The following ESR1 variants were observed in gnomAD, a reference collection of about 807,000 sequenced individuals.
ESR1 encodes estrogen receptor 1, also known as estrogen receptor.
Under a neutral mutation model 52.7 loss-of-function variants are expected in ESR1, and 12 were observed. The ratio of observed to expected loss-of-function variants is 0.23; its 90% CI spans 0.15 to 0.37. The LOEUF is 0.37. ESR1 is among the 10% of genes least tolerant of loss of function. The pLI, the probability that ESR1 is intolerant of heterozygous loss-of-function variation, is 1.00. For missense variants in ESR1, 584 were observed against 779.7 expected (o/e 0.75, Z 2.99); for synonymous variants, 305 against 316.8 (o/e 0.96, Z 0.39).
chr6:151,662,283 T>C (rs970328516), intron 1 of ESR1, among the ~76,000 whole-genome samples: 1 of 152,244 alleles, frequency 6.6e-6, no homozygotes, highest in African/African-American at 2.4e-5. Context: ...CATCATTTCT[T>C]TTCCTGTATT....
intron 3 of ESR1, among the ~76,000 whole-genome samples, chr6:151,906,374 T>TA (rs1380364704): frequency 6.6e-6 from 1 of 152,024 alleles, no homozygotes; most frequent in African/African-American, 2.4e-5. Flanking sequence ...AAAAGCAGTT[T>TA]AGAGTCTTGA....
At chr6:151,867,907 C>T (rs1451568097) in intron 2 of ESR1, among the ~76,000 whole-genome samples, 2 of 152,156 alleles carry the variant, frequency 1.3e-5, no homozygotes, top group Non-Finnish European at 2.9e-5. Context: ...GATTCAGAAG[C>T]ACCCAAGTGT....
chr6:151,722,167 T>C (rs1334043231), intron 2 of ESR1, among the ~76,000 whole-genome samples: 1 of 152,194 alleles, frequency 6.6e-6, no homozygotes, highest in African/African-American at 2.4e-5. Context: ...GAGGGATCAG[T>C]CCTTTTGGAG....
chr6:151,928,864 T>A (rs1399151766), intron 3 of ESR1, among the ~76,000 whole-genome samples: 3 of 152,262 alleles, frequency 2.0e-5, no homozygotes, highest in Non-Finnish European at 4.4e-5. Context: ...TATTTCGATA[T>A]TTTCCAGCTA....
chr6:151,933,876 A>G (rs1584318637), intron 3 of ESR1, among the ~76,000 whole-genome samples: 1 of 151,860 alleles, frequency 6.6e-6, no homozygotes, highest in East Asian at 1.9e-4. Flanking sequence ...CCTAATACAA[A>G]CCCCCTGCTA....
chr6:151,795,788 A>G (rs1040039804), intron 2 of ESR1, among the ~76,000 whole-genome samples: 8 of 152,206 alleles, frequency 5.3e-5, no homozygotes, highest in Non-Finnish European at 1.2e-4. Context: ...CCTAATTGCC[A>G]TTAATGGGGA....
At chr6:151,852,780 C>A (rs1787048455) in intron 2 of ESR1, among the ~76,000 whole-genome samples, 1 of 151,778 alleles carries the variant, frequency 6.6e-6, no homozygotes, top group South Asian at 2.1e-4. Context: ...TACTGTGCAA[C>A]AGAAATGACT....
chr6:151,742,399 C>T (rs1212619815), intron 2 of ESR1, among the ~76,000 whole-genome samples: 1 of 151,570 alleles, frequency 6.6e-6, no homozygotes, highest in Non-Finnish European at 1.5e-5. Context: ...CCCTTTTCTC[C>T]ACACGCTCAC....
intron 3 of ESR1, among the ~76,000 whole-genome samples, chr6:151,906,590 C>T (rs1487465104): frequency 1.3e-5 from 2 of 151,048 alleles, no homozygotes; most frequent in Non-Finnish European, 3.0e-5. Flanking sequence ...AACAAAATAC[C>T]GGCAAGAAAA....
chr6:152,001,137 C>T (rs766002497), intron 4 of ESR1, among the ~76,000 whole-genome samples: 1 of 152,002 alleles, frequency 6.6e-6, no homozygotes, highest in African/African-American at 2.4e-5. Context: ...GTTTCTCTTA[C>T]AGGGTGGCCT....
intron 2 of ESR1, among the ~76,000 whole-genome samples, chr6:151,855,140 C>T (rs1787582936): frequency 6.6e-6 from 1 of 152,198 alleles, no homozygotes; most frequent in African/African-American, 2.4e-5. Flanking sequence ...TCTCTAACTC[C>T]TGACCTCAAG....
intron 4 of ESR1, 53 bp from the exon 5 acceptor site, chr6:152,011,603 A>C (rs1273725023): frequency 2.5e-6 from 4 of 1,609,150 alleles, no homozygotes; most frequent in Non-Finnish European, 3.4e-6. Context: ...TAATTTCACC[A>C]GTAATGAGTC....
intron 1 of ESR1, among the ~76,000 whole-genome samples, chr6:151,831,577 C>G (rs1782425273): frequency 6.6e-6 from 1 of 152,166 alleles, no homozygotes; most frequent in Non-Finnish European, 1.5e-5. Context: ...GGATCCTGCT[C>G]TCTTCCAGGA....
chr6:151,678,225 C>A (rs1778319657), intron 1 of ESR1, among the ~76,000 whole-genome samples: 2 of 152,134 alleles, frequency 1.3e-5, no homozygotes, highest in Admixed American at 6.6e-5. Context: ...ATAATCCCAG[C>A]ACTTTGGGAA....
intron 2 of ESR1, among the ~76,000 whole-genome samples, chr6:151,713,710 C>T (rs1780800319): frequency 7.2e-6 from 1 of 138,396 alleles, no homozygotes; most frequent in African/African-American, 2.9e-5. Flanking sequence ...TTTAGTGTGT[C>T]TATTTGATTT....
chr6:151,719,501 T>G (rs1781303323), intron 2 of ESR1, among the ~76,000 whole-genome samples: 1 of 152,148 alleles, frequency 6.6e-6, no homozygotes, highest in African/African-American at 2.4e-5. Context: ...GGAGCATTTC[T>G]GCGAGACTGG....
At chr6:151,724,410 T>A (rs555786190) in intron 2 of ESR1, among the ~76,000 whole-genome samples, 1 of 152,130 alleles carries the variant, frequency 6.6e-6, no homozygotes, top group South Asian at 2.1e-4. Flanking sequence ...CTGAGGAAAC[T>A]AATAAGTCCA....
intron 3 of ESR1, among the ~76,000 whole-genome samples, chr6:151,899,339 C>CGGGCGGGGGGCTG (rs1796179774): frequency 8.3e-6 from 1 of 121,148 alleles, no homozygotes; most frequent in African/African-American, 3.6e-5. Flanking sequence ...GGCGGCTGGC[C>CGGGCGGGGGGCTG]AGGCGGGGGG....
At chr6:151,741,914 T>C (rs1408365872) in intron 2 of ESR1, among the ~76,000 whole-genome samples, 1 of 152,202 alleles carries the variant, frequency 6.6e-6, no homozygotes, top group East Asian at 1.9e-4. Flanking sequence ...TAGCCTTTGA[T>C]CTACATCTTC....
Sources: gnomAD v4.1 joint callset for allele counts (sites outside exome capture counted in the v4.1 genomes callset) on GRCh38, gnomAD v4.1.1 for gene constraint, MANE v1.5 for transcripts, NCBI Gene and HGNC (gene_info 2026-07-23, HGNC 2026-07-21) for gene names.